Variants in C8orf34 observed in about 807,000 individuals in gnomAD.
C8orf34 encodes uncharacterized protein C8orf34.
Under a neutral mutation model 68.3 loss-of-function variants are expected in C8orf34, and 65 were observed. That is an observed-to-expected ratio of 0.95 (90% CI 0.78 to 1.17). The LOEUF is 1.17. C8orf34 is among the 50% of genes most tolerant of loss of function. The pLI is 0.00. For synonymous variants in C8orf34, 244 were observed against 241.2 expected, an observed-to-expected ratio of 1.01 and a Z score of -0.11; for missense variants, 664 against 655.4, an observed-to-expected ratio of 1.01 and a Z score of -0.14.
rs1338547143 is a variant in C8orf34 at position 68,443,836 on chromosome 8, T to C, written c.476-2493T>C. The stretch of plus-strand genomic sequence containing the variant: ...TTTAGCAACATGGGACACAACATTT[T>C]CTCCTTAAAAGTCTATCATTTAATA... On this transcript the variant is annotated intron_variant, in intron 2 of 13. Transcript: ENST00000518698. Among the ~76,000 whole-genome samples the C allele has an allele frequency of 3.3e-5, 5 of 152,172 alleles. No homozygotes were observed. The East Asian group carries it at 9.6e-4, about 29-fold the overall frequency.
intron 5 of C8orf34, among the ~76,000 whole-genome samples, chr8:68,507,012 T>C (rs1814053638): frequency 6.6e-6 from 1 of 152,208 alleles, no homozygotes; most frequent in Admixed American, 6.5e-5. Context: ...GTTATTCTAC[T>C]GAGTTTGGAG....
intron 5 of C8orf34, among the ~76,000 whole-genome samples, chr8:68,520,334 T>C (rs1206960934): frequency 1.3e-5 from 2 of 152,262 alleles, no homozygotes; most frequent in African/African-American, 4.8e-5. Flanking sequence ...ATGTTGATTA[T>C]ATATTACATT....
chr8:68,487,941 C>G, intron 4 of C8orf34, 82 bp from the exon 5 acceptor site: 1 of 906,324 alleles, frequency 1.1e-6, no homozygotes, highest in Non-Finnish European at 1.7e-6. Context: ...ACTACTTTTA[C>G]AAATAGAAAG....
At chr8:68,706,742 T>A (rs1821178411) in intron 8 of C8orf34, among the ~76,000 whole-genome samples, 1 of 152,132 alleles carries the variant, frequency 6.6e-6, no homozygotes, top group Non-Finnish European at 1.5e-5. Flanking sequence ...TCAAAATCAC[T>A]CAGGATAAAA....
At position 68,693,245 on chromosome 8, in the gene C8orf34, A is replaced by G. The variant is rs186756999; in HGVS notation, c.1242-15749A>G. Among the ~76,000 whole-genome samples the G allele has an allele frequency of 5.4e-3, 817 of 152,190 alleles. 7 individuals carry two copies. Among genetic ancestry groups the G allele is most frequent in the African/African-American group, 0.019 (794 of 41,552 alleles). On this transcript the variant is annotated intron_variant, in intron 8 of 13. Coordinates refer to ENST00000518698, the MANE Select transcript of C8orf34 (RefSeq NM_052958.4). ...CTCAGCATTAAAAGTACTGTTGGTAATGACTTGGGTAGGCATAGTGGAAAG... is the reference window on the plus strand; with the variant it reads ...CTCAGCATTAAAAGTACTGTTGGTAGTGACTTGGGTAGGCATAGTGGAAAG...
chr8:68,333,215 C>G (rs2129617702), intron 1 of C8orf34, among the ~76,000 whole-genome samples: 1 of 152,270 alleles, frequency 6.6e-6, no homozygotes, highest in Admixed American at 6.5e-5. Flanking sequence ...CCCTAACCCC[C>G]ACCTTTTGAT....
At chr8:68,512,785 CAAA>C (rs112918287) in intron 5 of C8orf34, among the ~76,000 whole-genome samples, 1 of 136,206 alleles carries the variant, frequency 7.3e-6, no homozygotes. Context: ...AACCTTTTAC[CAAA>C]AAAAAAAAAA....
rs542169496 is a variant in C8orf34, at chr8:68,488,307, A to G, written c.765+256A>G. Reference sequence around the variant, plus strand: ...ATGGAATCACTGTAATCACTGAATCACTATATTGCAAAATAACTTCATAAC... The same window carrying G: ...ATGGAATCACTGTAATCACTGAATCGCTATATTGCAAAATAACTTCATAAC... On this transcript the variant is annotated intron_variant, in intron 5 of 13. Coordinates refer to ENST00000518698, the MANE Select transcript of C8orf34 (RefSeq NM_052958.4). Among the ~76,000 whole-genome samples, 100 of 34,914 alleles carry G rather than the reference A, an allele frequency of 2.9e-3. 1 individual carries two copies. In the Admixed American group the frequency reaches 0.03, roughly 10 times the overall value. 22.9% of individuals were successfully genotyped at this position (34,914 alleles called of 152,430 possible).
intron 5 of C8orf34, among the ~76,000 whole-genome samples, chr8:68,507,606 G>T (rs937954537): frequency 1.3e-5 from 2 of 152,164 alleles, no homozygotes; most frequent in African/African-American, 4.8e-5. Context: ...CCCTCTGGAA[G>T]TTTCTTTCCT....
At chr8:68,618,327 T>G (rs1397475996) in intron 7 of C8orf34, among the ~76,000 whole-genome samples, 2 of 152,138 alleles carry the variant, frequency 1.3e-5, no homozygotes, top group African/African-American at 4.8e-5. Context: ...CTAAATATAG[T>G]TCTTTACTTT....
At chr8:68,756,214 T>A (rs775179796) in intron 10 of C8orf34, among the ~76,000 whole-genome samples, 1 of 152,208 alleles carries the variant, frequency 6.6e-6, no homozygotes, top group African/African-American at 2.4e-5. Flanking sequence ...ACAGAATGTG[T>A]GCTTGAATGA....
In C8orf34 at chr8:68,701,763, A is replaced by C. The variant is rs192022447; in HGVS notation, c.1242-7231A>C. ...CTTCCCATTGTCATCAGAAGACTAG[A>C]TTATTCATCATCAAATGTTGCAGCT... On this transcript the variant is annotated intron_variant, in intron 8 of 13. Transcript: ENST00000518698. Among the ~76,000 whole-genome samples the C allele has an allele frequency of 2.0e-5, 3 of 152,144 alleles. No individual in the cohort carries two copies. The East Asian group carries it at 5.8e-4, about 30-fold the overall frequency.
chr8:68,455,643 A>G (rs911250508), intron 3 of C8orf34, among the ~76,000 whole-genome samples: 1 of 152,116 alleles, frequency 6.6e-6, no homozygotes, highest in Non-Finnish European at 1.5e-5. Flanking sequence ...TAGTATTACC[A>G]TTATATGTCA....
At chr8:68,737,598 C>T (rs1380299873) in intron 10 of C8orf34, among the ~76,000 whole-genome samples, 1 of 151,358 alleles carries the variant, frequency 6.6e-6, no homozygotes, top group African/African-American at 2.4e-5. Flanking sequence ...AAATGGAAAA[C>T]AGAAAAAAGC....
intron 7 of C8orf34, among the ~76,000 whole-genome samples, chr8:68,598,052 A>G (rs900804122): frequency 6.6e-6 from 1 of 152,124 alleles, no homozygotes; most frequent in Non-Finnish European, 1.5e-5. Flanking sequence ...AAAATTAAAA[A>G]GTAATGTTAA....
intron 5 of C8orf34, among the ~76,000 whole-genome samples, chr8:68,520,122 G>A (rs1440617808): frequency 6.6e-6 from 1 of 152,118 alleles, no homozygotes; most frequent in Admixed American, 6.5e-5. Context: ...TCTGATGTGA[G>A]GGATATAAGT....
chr8:68,670,383 A>C (rs1490402568), intron 8 of C8orf34, among the ~76,000 whole-genome samples: 1 of 152,194 alleles, frequency 6.6e-6, no homozygotes, highest in Non-Finnish European at 1.5e-5. Context: ...AATTTCATCA[A>C]ATAACCAAGA....
At chr8:68,439,737 T>G (rs988370344) in intron 2 of C8orf34, 91 bp downstream of exon 2, 27 of 1,274,956 alleles carry the variant, frequency 2.1e-5, no homozygotes, top group Non-Finnish European at 2.8e-5. Context: ...TAAATCTAGA[T>G]AGATAGTTAC....
chr8:68,808,976 A>G (rs1223231089), intron 12 of C8orf34, among the ~76,000 whole-genome samples: 3 of 151,398 alleles, frequency 2.0e-5, no homozygotes, highest in Admixed American at 1.3e-4. Context: ...GAGCATACAC[A>G]TCTGCCACTT....
Sources: gnomAD v4.1 joint callset for allele counts (sites outside exome capture counted in the v4.1 genomes callset) on GRCh38, gnomAD v4.1.1 for gene constraint, MANE v1.5 for transcripts, NCBI Gene and HGNC (gene_info 2026-07-23, HGNC 2026-07-21) for gene names.